Variants in CDH12 observed in about 807,000 individuals in gnomAD.
CDH12 encodes cadherin 12, also known as cadherin-12.
CDH12 carries 41 observed loss-of-function variants against 74.1 expected under a neutral mutation model. That is an observed-to-expected ratio of 0.55 (90% CI 0.43 to 0.72). The LOEUF (loss-of-function observed/expected upper bound fraction) is 0.72. Among genes scored for constraint, CDH12 ranks in the 30% least tolerant of loss-of-function variants. The probability of loss-of-function intolerance (pLI) is 0.00; values close to 1 mark genes in which losing one functional copy is unlikely to be tolerated. For synonymous variants in CDH12, 399 were observed against 355.0 expected (o/e 1.12, Z -1.39); for missense variants, 945 against 977.2 (o/e 0.97, Z 0.44).
intron 1 of CDH12, among the ~76,000 whole-genome samples, chr5:22,519,522 C>G (rs926576972): frequency 2.7e-5 from 4 of 150,908 alleles, no homozygotes; most frequent in African/African-American, 9.8e-5. Context: ...CTCCTGGGTT[C>G]ATGCCATTCT....
At chr5:21,863,593 A>G (rs1358416026) in intron 6 of CDH12, among the ~76,000 whole-genome samples, 1 of 152,176 alleles carries the variant, frequency 6.6e-6, no homozygotes, top group Non-Finnish European at 1.5e-5. Flanking sequence ...GAAATACAAT[A>G]CACAGAATTC....
chr5:22,527,387 C>G (rs1246466971), intron 1 of CDH12, among the ~76,000 whole-genome samples: 1 of 152,066 alleles, frequency 6.6e-6, no homozygotes, highest in African/African-American at 2.4e-5. Context: ...AACTTTGCTG[C>G]TTTTAAAGTT....
chr5:22,126,019 A>C (rs1336688056), intron 4 of CDH12, among the ~76,000 whole-genome samples: 1 of 146,510 alleles, frequency 6.8e-6, no homozygotes, highest in East Asian at 2.0e-4. Flanking sequence ...GACAAATTCT[A>C]CAAACTGCTT....
intron 1 of CDH12, among the ~76,000 whole-genome samples, chr5:22,849,707 C>T (rs1737462937): frequency 6.6e-6 from 1 of 152,036 alleles, no homozygotes; most frequent in African/African-American, 2.4e-5. Flanking sequence ...CATTGTTTCT[C>T]ACTAGAACCT....
intron 2 of CDH12, among the ~76,000 whole-genome samples, chr5:22,449,810 A>G (rs1744972413): frequency 1.3e-5 from 2 of 152,036 alleles, no homozygotes; most frequent in Non-Finnish European, 1.5e-5. Flanking sequence ...TGCATAATGG[A>G]AAATATTGAC....
intron 6 of CDH12, among the ~76,000 whole-genome samples, chr5:21,899,503 A>G (rs2150052508): frequency 6.6e-6 from 1 of 152,336 alleles, no homozygotes; most frequent in African/African-American, 2.4e-5. Context: ...TTGGGATAAA[A>G]TCAAGGCTGT....
At chr5:21,796,442 T>A (rs969711424) in intron 10 of CDH12, among the ~76,000 whole-genome samples, 1 of 152,050 alleles carries the variant, frequency 6.6e-6, no homozygotes, top group African/African-American at 2.4e-5. Flanking sequence ...TGCATATCGT[T>A]TTCACACCAT....
intron 5 of CDH12, among the ~76,000 whole-genome samples, chr5:22,051,101 C>T (rs1425134071): frequency 2.0e-5 from 3 of 152,096 alleles, no homozygotes; most frequent in Non-Finnish European, 4.4e-5. Context: ...TAAATAACTT[C>T]TGCTTTAGAG....
intron 2 of CDH12, among the ~76,000 whole-genome samples, chr5:22,458,955 A>G (rs773543344): frequency 3.9e-4 from 59 of 152,160 alleles, no homozygotes; most frequent in Admixed American, 1.1e-3. Flanking sequence ...CACATCTTGA[A>G]TAAGTATATC....
At chr5:22,136,186 G>T (rs1236922249) in intron 4 of CDH12, among the ~76,000 whole-genome samples, 1 of 151,916 alleles carries the variant, frequency 6.6e-6, no homozygotes, top group Non-Finnish European at 1.5e-5. Context: ...TGGTAGGTGT[G>T]GTGGAAGGAG....
At chr5:22,071,847 T>C (rs573128989) in intron 5 of CDH12, among the ~76,000 whole-genome samples, 32 of 152,270 alleles carry the variant, frequency 2.1e-4, no homozygotes, top group Middle Eastern at 6.8e-3. Context: ...AAAACAGAAG[T>C]CAGAAATCTG....
At chr5:22,713,431 G>A (rs147821049) in intron 1 of CDH12, among the ~76,000 whole-genome samples, 328 of 151,896 alleles carry the variant, frequency 2.2e-3, no homozygotes, top group African/African-American at 7.4e-3. Context: ...ATGAGCCACC[G>A]CACCCGGCCG....
At chr5:22,006,437 C>T (rs1191343925) in intron 5 of CDH12, among the ~76,000 whole-genome samples, 8 of 151,740 alleles carry the variant, frequency 5.3e-5, no homozygotes, top group Non-Finnish European at 8.8e-5. Flanking sequence ...CTTTTAAGTT[C>T]CAGTCTATTG....
At chr5:21,805,513 T>C (rs1319137425) in intron 9 of CDH12, among the ~76,000 whole-genome samples, 1 of 152,116 alleles carries the variant, frequency 6.6e-6, no homozygotes, top group Non-Finnish European at 1.5e-5. Flanking sequence ...TTATAGCCTG[T>C]AGTGATCAAA....
intron 4 of CDH12, among the ~76,000 whole-genome samples, chr5:22,164,729 T>G (rs949308945): frequency 6.7e-5 from 10 of 149,976 alleles, no homozygotes; most frequent in Non-Finnish European, 1.2e-4. Flanking sequence ...TTACCTCCTG[T>G]TTTTGCCAAA....
At chr5:21,942,056 C>A (rs984323614) in intron 6 of CDH12, among the ~76,000 whole-genome samples, 3 of 151,878 alleles carry the variant, frequency 2.0e-5, no homozygotes, top group Admixed American at 6.6e-5. Context: ...CAAATGTGAA[C>A]CCAAGTGGAG....
intron 1 of CDH12, among the ~76,000 whole-genome samples, chr5:22,688,949 G>T (rs891899829): frequency 6.6e-6 from 1 of 152,056 alleles, no homozygotes; most frequent in Non-Finnish European, 1.5e-5. Context: ...TTGAGCAGGC[G>T]TTAAATGATT....
chr5:22,399,208 A>C (rs945269926), intron 3 of CDH12, among the ~76,000 whole-genome samples: 30 of 151,846 alleles, frequency 2.0e-4, no homozygotes, highest in East Asian at 7.8e-4. Flanking sequence ...CTATCTATCT[A>C]TCTATCTATC....
chr5:22,467,256 C>T (rs917098781), intron 2 of CDH12, among the ~76,000 whole-genome samples: 2 of 152,140 alleles, frequency 1.3e-5, no homozygotes, highest in African/African-American at 2.4e-5. Flanking sequence ...AACTGTTTAG[C>T]GAGATGACAT....
Sources: allele counts gnomAD v4.1 joint callset (sites outside exome capture counted in the v4.1 genomes callset), GRCh38; gene constraint gnomAD v4.1.1; transcripts MANE v1.5; gene names NCBI Gene and HGNC (gene_info 2026-07-23, HGNC 2026-07-21).